MAP2K5: variants seen among roughly 807,000 people sequenced by gnomAD.
MAP2K5 encodes mitogen-activated protein kinase kinase 5.
A neutral mutation model predicts 83.1 loss-of-function variants in MAP2K5; 49 were observed. The observed-to-expected ratio is 0.59, with a 90% confidence interval of 0.47 to 0.75. The LOEUF is 0.75. MAP2K5 is among the 30% of genes least tolerant of loss of function. The pLI, the probability that MAP2K5 is intolerant of heterozygous loss-of-function variation, is 0.00. For missense variants in MAP2K5, 457 were observed against 557.5 expected (o/e 0.82, Z 1.82); for synonymous variants, 202 against 191.8 (o/e 1.05, Z -0.44).
intron 16 of MAP2K5, among the ~76,000 whole-genome samples, chr15:67,705,344 A>T (rs1290728237): frequency 3.3e-5 from 5 of 152,202 alleles, no homozygotes; most frequent in African/African-American, 7.2e-5. Context: ...ATGGAGTTCC[A>T]TTTGGCAAGG....
At chr15:67,662,157 G>C (rs576633332) in intron 12 of MAP2K5, among the ~76,000 whole-genome samples, 6 of 151,992 alleles carry the variant, frequency 3.9e-5, no homozygotes, top group Non-Finnish European at 7.4e-5. Flanking sequence ...AATCTTTCAG[G>C]AGCACATTGC....
intron 8 of MAP2K5, 118 bp from the exon 9 acceptor site, chr15:67,630,770 T>C: frequency 1.4e-6 from 1 of 701,030 alleles, no homozygotes; most frequent in South Asian, 1.6e-5. Context: ...GTTAGTGTTC[T>C]TTGAAAGTAC....
intron 19 of MAP2K5, among the ~76,000 whole-genome samples, chr15:67,762,131 A>ATTTGCAGCAGTG (rs1387695985): frequency 6.6e-5 from 10 of 152,206 alleles, no homozygotes; most frequent in Non-Finnish European, 1.2e-4. Context: ...ATGCTTGATT[A>ATTTGCAGCAGTG]TTTGCAGCAG....
intron 3 of MAP2K5, among the ~76,000 whole-genome samples, chr15:67,570,241 T>C (rs2084925225): frequency 6.6e-6 from 1 of 152,236 alleles, no homozygotes; most frequent in South Asian, 2.1e-4. Flanking sequence ...AATGGTGTTA[T>C]CATTAAACTT....
At chr15:67,684,350 T>G (rs571403593) in intron 13 of MAP2K5, among the ~76,000 whole-genome samples, 80 of 152,350 alleles carry the variant, frequency 5.3e-4, no homozygotes, top group African/African-American at 1.8e-3. Flanking sequence ...AGGATTATGC[T>G]TTAGCAGTGG....
chr15:67,543,292 A>G lies in MAP2K5; in HGVS notation c.-44A>G, dbSNP rs747267552. ...TGGAGCCCCCTCCTAACCAGCGGCC[A>G]GTGGGTTTCCCATACCCCAGGATGT... On this transcript the variant is annotated 5_prime_UTR_variant, in exon 1 of 22. Transcript: ENST00000178640. The surrounding 1 kb of genome is among the most constrained non-coding windows in gnomAD (Gnocchi z 4.3). 1.3e-5 allele frequency: 21 copies of G among 1,611,640 alleles called. No individual in the cohort carries two copies. In the Admixed American group the frequency reaches 1.7e-4, roughly 13 times the overall value.
intron 21 of MAP2K5, among the ~76,000 whole-genome samples, chr15:67,804,889 T>C (rs1190447288): frequency 6.6e-6 from 1 of 152,132 alleles, no homozygotes; most frequent in Non-Finnish European, 1.5e-5. Flanking sequence ...GGTGGGCATA[T>C]ATATGGGGAG....
chr15:67,757,470 C>A lies in MAP2K5; in HGVS notation c.1134+8869C>A, dbSNP rs913463894. Among the ~76,000 whole-genome samples the A allele has an allele frequency of 6.6e-6, 1 of 152,142 alleles. No individual in the cohort carries two copies. The highest frequency in any genetic ancestry group is 6.5e-5 in the Admixed American group (1 of 15,272). On this transcript the variant is annotated intron_variant, in intron 19 of 21. Coordinates refer to ENST00000178640, the MANE Select transcript of MAP2K5 (RefSeq NM_145160.3). This position sits in a 1 kb window ranked among gnomAD's most constrained non-coding sequence, Gnocchi z 4.9. Reference sequence around the variant, plus strand: ...GTATGGGAGATTCAGATCTCCACCCCCTTTCCCACACACCTGCATAAAAGA... The same window carrying A: ...GTATGGGAGATTCAGATCTCCACCCACTTTCCCACACACCTGCATAAAAGA...
At chr15:67,591,613 C>T (rs1369675463) in intron 6 of MAP2K5, among the ~76,000 whole-genome samples, 1 of 151,382 alleles carries the variant, frequency 6.6e-6, no homozygotes, top group African/African-American at 2.4e-5. Flanking sequence ...TCGTGATCCA[C>T]CTGCACCAGC....
chr15:67,763,621 GT>G (rs1384312615), intron 19 of MAP2K5, among the ~76,000 whole-genome samples: 1 of 151,262 alleles, frequency 6.6e-6, no homozygotes, highest in South Asian at 2.1e-4. Flanking sequence ...TGAGGGTCCA[GT>G]TTTTTTTCAT....
chr15:67,617,112 A>G (rs1387760120), intron 8 of MAP2K5, among the ~76,000 whole-genome samples: 2 of 152,186 alleles, frequency 1.3e-5, no homozygotes, highest in South Asian at 2.1e-4. Flanking sequence ...CTTTTCTCCA[A>G]GAGGCAAAAA....
intron 12 of MAP2K5, among the ~76,000 whole-genome samples, chr15:67,659,822 A>G (rs368675285): frequency 1.6e-4 from 24 of 152,296 alleles, no homozygotes; most frequent in African/African-American, 5.8e-4. Context: ...CATCTTCAGT[A>G]GAGAAGCATG....
In MAP2K5 at chr15:67,802,562, T is replaced by A. The variant is rs114800364; in HGVS notation, c.1243-4084T>A. Among the ~76,000 whole-genome samples, 353 of 152,352 alleles carry A rather than the reference T, an allele frequency of 2.3e-3. 3 individuals carry two copies. The highest frequency in any genetic ancestry group is 7.9e-3 in the African/African-American group (328 of 41,578). ...ATTGGCCCTCAGAGAATCCAGGGAA[T>A]GAGAGTGGCTCTCACTGCCTGGTGA... On this transcript the variant is annotated intron_variant, in intron 21 of 21. Coordinates refer to ENST00000178640, the MANE Select transcript of MAP2K5 (RefSeq NM_145160.3). This position sits in a 1 kb window ranked among gnomAD's most constrained non-coding sequence, Gnocchi z 5.0.
intron 1 of MAP2K5, among the ~76,000 whole-genome samples, chr15:67,547,064 CAAAA>C (rs1275806896): frequency 3.0e-5 from 2 of 67,154 alleles, no homozygotes; most frequent in Non-Finnish European, 6.4e-5. Context: ...GACCCTATCT[CAAAA>C]AAGAAGAAAA....
chr15:67,635,337 G>A (rs1193526369), intron 9 of MAP2K5, among the ~76,000 whole-genome samples: 1 of 151,906 alleles, frequency 6.6e-6, no homozygotes, highest in Non-Finnish European at 1.5e-5. Flanking sequence ...ACCACGCCCG[G>A]CTAATTTTTT....
intron 19 of MAP2K5, among the ~76,000 whole-genome samples, chr15:67,753,299 G>C (rs1441661645): frequency 6.6e-6 from 1 of 152,158 alleles, no homozygotes; most frequent in African/African-American, 2.4e-5. Flanking sequence ...TGGTTTCTTA[G>C]CTATGACACC....
At chr15:67,567,712 T>A (rs1596569067) in intron 3 of MAP2K5, among the ~76,000 whole-genome samples, 2 of 152,266 alleles carry the variant, frequency 1.3e-5, no homozygotes, top group Non-Finnish European at 2.9e-5. Flanking sequence ...AGAAAAAAAA[T>A]ACACACAACC....
intron 19 of MAP2K5, among the ~76,000 whole-genome samples, chr15:67,767,452 A>G (rs2090061342): frequency 6.6e-6 from 1 of 152,208 alleles, no homozygotes. Context: ...CTACTCAGAT[A>G]CTTTCAGTAC....
rs1270038181 is a variant in MAP2K5, at chr15:67,573,964, T to C, written c.253-6790T>C. Among the ~76,000 whole-genome samples the C allele has an allele frequency of 1.3e-5, 2 of 152,194 alleles. No homozygotes were observed. Among genetic ancestry groups the C allele is most frequent in the Non-Finnish European group, 2.9e-5 (2 of 68,030 alleles). ...AGGTAGATGTGTTCCTCCTCTTGCT[T>C]TTGGGAACACCCAGCTCTGACTGGG... On this transcript the variant is annotated intron_variant, in intron 3 of 21. Transcript: ENST00000178640. The surrounding 1 kb of genome is among the most constrained non-coding windows in gnomAD (Gnocchi z 4.2).
Sources: gnomAD v4.1 joint callset for allele counts (sites outside exome capture counted in the v4.1 genomes callset) on GRCh38, gnomAD v4.1.1 for gene constraint, Gnocchi (gnomAD v3.1) non-coding constraint, MANE v1.5 for transcripts, NCBI Gene and HGNC (gene_info 2026-07-23, HGNC 2026-07-21) for gene names.